The following DENND1A variants were observed in gnomAD, a reference collection of about 807,000 sequenced individuals.
DENND1A encodes DENN domain containing 1A.
Under a neutral mutation model 113.7 loss-of-function variants are expected in DENND1A, and 51 were observed. The ratio of observed to expected loss-of-function variants is 0.45; its 90% CI spans 0.36 to 0.57. The LOEUF is 0.57. Ranked by LOEUF, DENND1A falls within the 20% of genes least tolerant of loss-of-function variation. DENND1A has a pLI of 0.00. For missense variants in DENND1A, 1,258 were observed against 1,395.9 expected (o/e 0.90, Z 1.57); for synonymous variants, 565 against 570.8 (o/e 0.99, Z 0.14).
chr9:123,381,048 G>T lies in DENND1A; in HGVS notation c.*384C>A. On this transcript the variant is annotated 3_prime_UTR_variant, in exon 24 of 24. Transcript: ENST00000394215. The surrounding 1 kb of genome is among the most constrained non-coding windows in gnomAD (Gnocchi z 4.7). ...GCAGGGCCTGGCTGTGGAGGAGACAGGAGAGCTGGGCTCGGAGGGGAGGCC... is the reference window on the plus strand; with the variant it reads ...GCAGGGCCTGGCTGTGGAGGAGACATGAGAGCTGGGCTCGGAGGGGAGGCC... 4.3e-6 allele frequency: 1 copy of T among 231,494 alleles called. No homozygotes were observed. Among genetic ancestry groups the T allele is most frequent in the Non-Finnish European group, 8.5e-6 (1 of 117,540 alleles). The allele number at this position is 231,494 out of a possible 1,614,324, so 14.3% of individuals were successfully genotyped here. A position where few individuals can be genotyped will look rare whatever the true frequency, so the allele number is the denominator to read the frequency against.
chr9:123,736,636 C>T (rs1337686377), intron 5 of DENND1A, among the ~76,000 whole-genome samples: 2 of 152,194 alleles, frequency 1.3e-5, no homozygotes, highest in East Asian at 1.9e-4. Flanking sequence ...TCTGTAATCC[C>T]TCTGATCATG....
In DENND1A at chr9:123,457,878, C is replaced by A; in HGVS notation, c.1013G>T (p.Cys338Phe). 4 of 1,611,936 alleles carry A rather than the reference C, an allele frequency of 2.5e-6. No individual in the cohort carries two copies. Among genetic ancestry groups the A allele is most frequent in the Middle Eastern group, 1.6e-4 (1 of 6,062 alleles). ...GTAGTGGGACACGAAGGCTTCCTCA[C>A]AGAAAGTGATCGGCTCCTCCTGGGA... ...KIEPEEPITF[C>F]EEAFVSHYRS... is the part of the protein sequence containing the mutation. The change falls in exon 14 of 24, where the codon TGT becomes TTT. Residue 338 changes from cysteine (C) to phenylalanine (F), a missense_variant. By Grantham distance (205) the Cys-to-Phe change is radical. Around this residue, in one of 2 missense-constraint regions of DENND1A, gnomAD observed 1,159 missense variants for 1,231.7 expected, o/e 0.94. Transcript: ENST00000394215.
At chr9:123,403,751 T>A (rs545639771) in intron 20 of DENND1A, among the ~76,000 whole-genome samples, 1 of 152,298 alleles carries the variant, frequency 6.6e-6, no homozygotes. Context: ...AAGATGAGGA[T>A]AGTTCCATTG....
chr9:123,407,689 G>A (rs932110510), intron 20 of DENND1A, among the ~76,000 whole-genome samples: 7 of 152,146 alleles, frequency 4.6e-5, no homozygotes, highest in African/African-American at 1.7e-4. Flanking sequence ...AGCCGCGTCC[G>A]GGGAGAAAAT....
intron 5 of DENND1A, chr9:123,736,438 T>C (rs746375948): frequency 6.6e-6 from 1 of 152,214 alleles, no homozygotes; most frequent in Non-Finnish European, 1.5e-5. Context: ...CCCTGTGTCT[T>C]AGCTTCCTCA....
rs185319008 is a variant in DENND1A, at chr9:123,860,254, G to A, written c.88+18697C>T. On this transcript the variant is annotated intron_variant, in intron 2 of 23. Transcript: ENST00000394215. ...CTAGACAAATATACCATGGACAACT[G>A]AAAAACTAAAACAGAATCACCCCTG... 1.9e-3 allele frequency among the ~76,000 whole-genome samples: 296 copies of A among 152,246 alleles called. 2 individuals are homozygous for A. The highest frequency in any genetic ancestry group is 6.8e-3 in the African/African-American group (283 of 41,562).
chr9:123,599,113 G>T (rs1225087957), intron 11 of DENND1A, among the ~76,000 whole-genome samples: 1 of 152,144 alleles, frequency 6.6e-6, no homozygotes, highest in Non-Finnish European at 1.5e-5. Flanking sequence ...AACATAGAAT[G>T]GTGGTCCCAA....
intron 10 of DENND1A, among the ~76,000 whole-genome samples, chr9:123,628,047 C>T (rs1180799486): frequency 6.6e-6 from 1 of 152,100 alleles, no homozygotes; most frequent in African/African-American, 2.4e-5. Flanking sequence ...GCTACACAGC[C>T]AGGCAGTAAT....
rs759511667 is a variant in DENND1A at position 123,403,413 on chromosome 9, C to T, written c.1620G>A (p.Pro540=). 1.9e-5 allele frequency: 30 copies of T among 1,613,994 alleles called. 1 individual carries two copies. Among genetic ancestry groups the T allele is most frequent in the Non-Finnish European group, 2.2e-5 (26 of 1,180,014 alleles). The change falls in exon 21 of 24, where the codon CCG becomes CCA. Residue 540 remains proline, a synonymous_variant. Coordinates refer to ENST00000394215, the MANE Select transcript of DENND1A (RefSeq NM_001352964.2). Reference sequence around the variant, plus strand: ...GGCACAATACTCACTGCTCAGGGCTCGGCACAGACGTCCTCCGGCCTTCCA... The same window carrying T: ...GGCACAATACTCACTGCTCAGGGCTTGGCACAGACGTCCTCCGGCCTTCCA... The part of the protein sequence containing the change: ...IAVEGRRTSV[P]SPEHLVKPLR...
intron 12 of DENND1A, 117 bp downstream of exon 12, chr9:123,583,051 AG>A: frequency 1.4e-6 from 1 of 707,494 alleles, no homozygotes; most frequent in Admixed American, 2.7e-5. Context: ...AACAAACTGC[AG>A]TTCTCAGGTC....
At chr9:123,852,121 G>A (rs904795609) in intron 2 of DENND1A, among the ~76,000 whole-genome samples, 10 of 152,126 alleles carry the variant, frequency 6.6e-5, no homozygotes, top group Admixed American at 5.2e-4. Flanking sequence ...TGCCTGTCCC[G>A]CCATTACACT....
At position 123,615,843 on chromosome 9, in the gene DENND1A, G is replaced by A. The variant is rs1260269045; in HGVS notation, c.720-6362C>T. ...GGGTAAAACAGTCGAGCTATTTACT[G>A]AGCACACACCACATTTCAAGGGCTG... On this transcript the variant is annotated intron_variant, in intron 10 of 23. Coordinates refer to ENST00000394215, the MANE Select transcript of DENND1A (RefSeq NM_001352964.2). Among the ~76,000 whole-genome samples the A allele has an allele frequency of 2.0e-5, 3 of 152,206 alleles. No individual in the cohort carries two copies. The East Asian group carries it at 5.8e-4, about 29-fold the overall frequency.
intron 1 of DENND1A, among the ~76,000 whole-genome samples, chr9:123,903,318 C>T (rs1282318990): frequency 1.8e-5 from 2 of 110,888 alleles, no homozygotes; most frequent in Non-Finnish European, 3.3e-5. Context: ...GGCGACAGAG[C>T]GAGACTCCGT....
chr9:123,416,444 G>A (rs2044733952), intron 19 of DENND1A, among the ~76,000 whole-genome samples: 1 of 152,266 alleles, frequency 6.6e-6, no homozygotes, highest in South Asian at 2.1e-4. Context: ...GGAAAGGAAG[G>A]TAAAACTGGA....
chr9:123,618,541 A>G (rs2060773502), intron 10 of DENND1A, among the ~76,000 whole-genome samples: 1 of 152,186 alleles, frequency 6.6e-6, no homozygotes, highest in Non-Finnish European at 1.5e-5. Flanking sequence ...CCCTCCCGAC[A>G]TTAGGCAGAA....
intron 5 of DENND1A, among the ~76,000 whole-genome samples, chr9:123,703,536 T>C (rs1472328612): frequency 6.6e-6 from 1 of 151,802 alleles, no homozygotes; most frequent in East Asian, 1.9e-4. Context: ...CACACTACTA[T>C]AGAAAAATCA....
chr9:123,674,245 C>T (rs1294149338), intron 6 of DENND1A, among the ~76,000 whole-genome samples: 1 of 151,940 alleles, frequency 6.6e-6, no homozygotes, highest in Non-Finnish European at 1.5e-5. Context: ...CATGATGGGT[C>T]CATGGCCCAA....
chr9:123,507,124 G>A (rs1298187658), intron 13 of DENND1A, among the ~76,000 whole-genome samples: 1 of 152,188 alleles, frequency 6.6e-6, no homozygotes, highest in East Asian at 1.9e-4. Context: ...GGGAGATGGG[G>A]GTTGCAGTGA....
At chr9:123,867,394 T>G (rs1295067185) in intron 2 of DENND1A, among the ~76,000 whole-genome samples, 1 of 152,146 alleles carries the variant, frequency 6.6e-6, no homozygotes, top group Non-Finnish European at 1.5e-5. Flanking sequence ...AGTGTGATAA[T>G]AAGACCTCGG....
Sources: allele counts gnomAD v4.1 joint callset (sites outside exome capture counted in the v4.1 genomes callset), GRCh38; gene constraint gnomAD v4.1.1; regional missense constraint gnomAD v4.1.1; non-coding constraint Gnocchi (gnomAD v3.1); transcripts MANE v1.5; gene names NCBI Gene and HGNC (gene_info 2026-07-23, HGNC 2026-07-21).